The following PTPRT variants were observed in gnomAD, a reference collection of about 807,000 sequenced individuals.
PTPRT encodes protein tyrosine phosphatase receptor type T, also known as receptor-type tyrosine-protein phosphatase T.
PTPRT carries 56 observed loss-of-function variants against 176.8 expected under a neutral mutation model. The observed-to-expected ratio is 0.32, with a 90% confidence interval of 0.26 to 0.40. The LOEUF (loss-of-function observed/expected upper bound fraction) is 0.40. Among genes scored for constraint, PTPRT ranks in the 10% least tolerant of loss-of-function variants. The pLI, the probability that PTPRT is intolerant of heterozygous loss-of-function variation, is 1.00. For missense variants in PTPRT, 1,540 were observed against 1,908.2 expected (o/e 0.81, Z 3.60); for synonymous variants, 783 against 739.0 (o/e 1.06, Z -0.96).
intron 1 of PTPRT, among the ~76,000 whole-genome samples, chr20:43,126,963 C>A (rs2013463128): frequency 6.6e-6 from 1 of 152,214 alleles, no homozygotes; most frequent in South Asian, 2.1e-4. Flanking sequence ...TCTGCGTGAA[C>A]AAGAAATAGA....
At chr20:42,545,045 C>T (rs781101979) in intron 7 of PTPRT, among the ~76,000 whole-genome samples, 39 of 152,290 alleles carry the variant, frequency 2.6e-4, no homozygotes, top group Admixed American at 1.2e-3. Context: ...AAGGAACATA[C>T]GGCCAGACAC....
intron 2 of PTPRT, among the ~76,000 whole-genome samples, chr20:42,878,921 C>T (rs988175187): frequency 6.6e-6 from 1 of 151,998 alleles, no homozygotes. Context: ...CCCAGCTACT[C>T]GAGAGGCTGA....
At chr20:42,823,301 A>G (rs6103054) in intron 2 of PTPRT, among the ~76,000 whole-genome samples, 19,482 of 152,098 alleles carry the variant, frequency 0.13, 1,579 homozygotes, top group East Asian at 0.39. Flanking sequence ...AAAACCAAAC[A>G]CCGCATGTTC....
intron 2 of PTPRT, among the ~76,000 whole-genome samples, chr20:42,879,527 T>C (rs1393855690): frequency 2.0e-5 from 3 of 152,210 alleles, no homozygotes; most frequent in Non-Finnish European, 4.4e-5. Flanking sequence ...CAATTAAGTG[T>C]GACATTTACA....
intron 7 of PTPRT, among the ~76,000 whole-genome samples, chr20:42,667,557 A>G (rs1291914767): frequency 1.3e-5 from 2 of 152,212 alleles, no homozygotes; most frequent in African/African-American, 4.8e-5. Flanking sequence ...AGAGAGCTTG[A>G]TAAACACTGT....
At chr20:42,596,594 T>C (rs185728571) in intron 7 of PTPRT, among the ~76,000 whole-genome samples, 138 of 152,288 alleles carry the variant, frequency 9.1e-4, no homozygotes, top group Non-Finnish European at 1.6e-3. Flanking sequence ...AAACCTAATA[T>C]CTATATTTCT....
chr20:42,915,135 C>T (rs1600552015), intron 1 of PTPRT, among the ~76,000 whole-genome samples: 1 of 152,188 alleles, frequency 6.6e-6, no homozygotes, highest in South Asian at 2.1e-4. Context: ...GTTAATGTTT[C>T]GTGGTCAGAG....
At chr20:43,037,114 C>T (rs979839301) in intron 1 of PTPRT, among the ~76,000 whole-genome samples, 1 of 152,130 alleles carries the variant, frequency 6.6e-6, no homozygotes, top group African/African-American at 2.4e-5. Context: ...CATTGATCAC[C>T]TGTAAAGTGG....
intron 7 of PTPRT, among the ~76,000 whole-genome samples, chr20:42,621,265 G>T (rs922283885): frequency 3.5e-4 from 54 of 152,182 alleles, no homozygotes; most frequent in African/African-American, 1.3e-3. Flanking sequence ...TTACCCTCTT[G>T]CTTCTGTCTT....
chr20:42,585,027 T>C (rs1032178404), intron 7 of PTPRT, among the ~76,000 whole-genome samples: 3 of 152,188 alleles, frequency 2.0e-5, no homozygotes, highest in Non-Finnish European at 4.4e-5. Flanking sequence ...TTTCCTTGCA[T>C]CATCACCAAT....
At chr20:42,313,191 C>T (rs2057662467) in intron 12 of PTPRT, among the ~76,000 whole-genome samples, 1 of 152,116 alleles carries the variant, frequency 6.6e-6, no homozygotes, top group African/African-American at 2.4e-5. Flanking sequence ...AGGAAGTTAC[C>T]CTATATGGTC....
chr20:42,788,802 G>T (rs566050883), intron 3 of PTPRT, among the ~76,000 whole-genome samples: 1 of 152,290 alleles, frequency 6.6e-6, no homozygotes, highest in African/African-American at 2.4e-5. Flanking sequence ...TGAGAGCCCA[G>T]CCTTGGAGTT....
chr20:42,544,916 A>T (rs2072647311), intron 7 of PTPRT, among the ~76,000 whole-genome samples: 1 of 152,144 alleles, frequency 6.6e-6, no homozygotes, highest in South Asian at 2.1e-4. Flanking sequence ...AACCTGCCAA[A>T]GTGCTAGGCT....
chr20:42,704,496 T>C (rs898662360), intron 6 of PTPRT, among the ~76,000 whole-genome samples: 2 of 152,078 alleles, frequency 1.3e-5, no homozygotes, highest in South Asian at 4.1e-4. Flanking sequence ...CAAGCTTTCC[T>C]ATTGAGTCCA....
intron 2 of PTPRT, among the ~76,000 whole-genome samples, chr20:42,879,470 C>T (rs181479519): frequency 4.4e-4 from 67 of 152,252 alleles, no homozygotes; most frequent in Admixed American, 1.3e-3. Flanking sequence ...CCAATATGAC[C>T]AGCCTGACCT....
intron 6 of PTPRT, among the ~76,000 whole-genome samples, chr20:42,716,582 A>G (rs1242432617): frequency 6.6e-6 from 1 of 151,786 alleles, no homozygotes; most frequent in Non-Finnish European, 1.5e-5. Context: ...TCCTTCACCC[A>G]CTTTTTGATG....
intron 1 of PTPRT, among the ~76,000 whole-genome samples, chr20:43,075,276 G>C (rs938729353): frequency 6.6e-6 from 1 of 152,260 alleles, no homozygotes; most frequent in Non-Finnish European, 1.5e-5. Flanking sequence ...TTGCATGGCA[G>C]CGTTTCAAGT....
At chr20:42,152,597 T>C (rs1412040152) in intron 17 of PTPRT, among the ~76,000 whole-genome samples, 1 of 152,224 alleles carries the variant, frequency 6.6e-6, no homozygotes, top group East Asian at 1.9e-4. Context: ...AAGAAGTCTA[T>C]AGCTTAATGG....
intron 7 of PTPRT, among the ~76,000 whole-genome samples, chr20:42,517,083 T>C (rs1447083916): frequency 1.3e-5 from 2 of 152,112 alleles, no homozygotes; most frequent in African/African-American, 4.8e-5. Context: ...TCATTTCTTT[T>C]TTGTAAGATT....
Sources: allele counts gnomAD v4.1 joint callset (sites outside exome capture counted in the v4.1 genomes callset), GRCh38; gene constraint gnomAD v4.1.1; transcripts MANE v1.5; gene names NCBI Gene and HGNC (gene_info 2026-07-23, HGNC 2026-07-21).